Variants in SMYD1 observed in about 807,000 individuals in gnomAD.
SMYD1 encodes the protein histone-lysine N-methyltransferase SMYD1.
SMYD1 carries 49 observed loss-of-function variants against 54.0 expected under a neutral mutation model. The observed-to-expected ratio is 0.91, with a 90% CI of 0.72 to 1.15. The LOEUF (loss-of-function observed/expected upper bound fraction) is 1.15. SMYD1 is among the 50% of genes most tolerant of loss of function. The pLI, the probability that SMYD1 is intolerant of heterozygous loss-of-function variation, is 0.00. For synonymous variants in SMYD1, 269 were observed against 234.2 expected, an observed-to-expected ratio of 1.15 and a Z score of -1.36; for missense variants, 653 against 639.6, an observed-to-expected ratio of 1.02 and a Z score of -0.23.
At chr2:88,105,343 A>T (rs991431227) in intron 7 of SMYD1, among the ~76,000 whole-genome samples, 3 of 150,082 alleles carry the variant, frequency 2.0e-5, no homozygotes, top group Admixed American at 6.7e-5. Context: ...AGATATATAA[A>T]TATATTTGTA....
intron 1 of SMYD1, 95 bp downstream of exon 1, chr2:88,068,096 A>C (rs933936250): frequency 3.4e-6 from 5 of 1,459,544 alleles, no homozygotes; most frequent in Non-Finnish European, 4.6e-6. Context: ...GGGAAGGGAT[A>C]AAATTCATGT....
At position 88,067,923 on chromosome 2, in the gene SMYD1, G is replaced by A; in HGVS notation, c.59G>A (p.Gly20Asp). The A allele has an allele frequency of 6.2e-7, 1 of 1,614,072 alleles. No homozygotes were observed. Among genetic ancestry groups the A allele is most frequent in the Non-Finnish European group, 8.5e-7 (1 of 1,180,026 alleles). ...TTCACCGCTGAGGGCAAAGGAAGGGGTCTGAAGGCCACCAAGGAGTTCTGG... is the reference window on the plus strand; with the variant it reads ...TTCACCGCTGAGGGCAAAGGAAGGGATCTGAAGGCCACCAAGGAGTTCTGG... ...EVFTAEGKGR[G>D]LKATKEFWAA... is the part of the protein sequence containing the mutation. The change falls in exon 1 of 10, where the codon GGT (glycine) becomes GAT (aspartate). Residue 20 changes from glycine (G) to aspartate (D), a missense_variant. Physicochemically the swap from Gly to Asp is moderately conservative, Grantham distance 94. Coordinates refer to ENST00000419482, the MANE Select transcript of SMYD1 (RefSeq NM_198274.4).
At chr2:88,104,691 GA>G (rs1674817014) in intron 7 of SMYD1, among the ~76,000 whole-genome samples, 1 of 152,254 alleles carries the variant, frequency 6.6e-6, no homozygotes, top group African/African-American at 2.4e-5. Flanking sequence ...TGAACTCTGG[GA>G]AAGTCTCAGA....
At chr2:88,068,106 T>C in intron 1 of SMYD1, 105 bp downstream of exon 1, 1 of 1,442,506 alleles carries the variant, frequency 6.9e-7, no homozygotes, top group Non-Finnish European at 9.3e-7. Flanking sequence ...AAAATTCATG[T>C]GCTCTTTTTT....
intron 9 of SMYD1, among the ~76,000 whole-genome samples, chr2:88,108,866 G>C: frequency 6.6e-6 from 1 of 152,208 alleles, no homozygotes. Context: ...AAGGGAGCCA[G>C]TGTGTCACCT....
rs1385709624 is a variant in SMYD1 at position 88,112,348 on chromosome 2, T to C, written c.*1836T>C. 1.7e-6 allele frequency: 1 copy of C among 583,296 alleles called. No homozygotes were observed. Among genetic ancestry groups the C allele is most frequent in the Admixed American group, 3.0e-5 (1 of 33,722 alleles). 36.1% of individuals were successfully genotyped at this position (583,296 alleles called of 1,614,324 possible). A position where few individuals can be genotyped will look rare whatever the true frequency, so the allele number is the denominator to read the frequency against. ...AATATTTGTTGTCTTTAACAAACTG[T>C]GTTCTGTGTCTGTGCTCCTCCTTCC... On this transcript the variant is annotated 3_prime_UTR_variant, in exon 10 of 10. Transcript: ENST00000419482.
chr2:88,078,923 T>G (rs1448839858), intron 1 of SMYD1, among the ~76,000 whole-genome samples: 6 of 152,276 alleles, frequency 3.9e-5, no homozygotes, highest in African/African-American at 1.4e-4. Context: ...TTTCACCAGC[T>G]TTTAAAACTT....
At chr2:88,093,846 A>G (rs988442851) in intron 5 of SMYD1, among the ~76,000 whole-genome samples, 3 of 152,052 alleles carry the variant, frequency 2.0e-5, no homozygotes, top group Non-Finnish European at 4.4e-5. Context: ...ACATCGTCTT[A>G]GCAAAAGCCT....
At chr2:88,079,748 GA>G (rs981022430) in intron 1 of SMYD1, among the ~76,000 whole-genome samples, 53 of 152,292 alleles carry the variant, frequency 3.5e-4, no homozygotes, top group African/African-American at 1.1e-3. Context: ...TTGAACCCAG[GA>G]GGCGGAGGTT....
chr2:88,106,637 T>G (rs1674877746), intron 8 of SMYD1, 149 bp downstream of exon 8: 1 of 791,980 alleles, frequency 1.3e-6, no homozygotes, highest in Non-Finnish European at 2.0e-6. Flanking sequence ...TGACTGAGTC[T>G]TTTTATCATG....
At chr2:88,090,062 A>G (rs1674429902) in intron 3 of SMYD1, among the ~76,000 whole-genome samples, 1 of 152,184 alleles carries the variant, frequency 6.6e-6, no homozygotes, top group South Asian at 2.1e-4. Context: ...TATTCAACCT[A>G]TAGATGGGAA....
At chr2:88,108,223 A>C in intron 8 of SMYD1, 148 bp from the exon 9 acceptor site, 2 of 674,278 alleles carry the variant, frequency 3.0e-6, no homozygotes, top group South Asian at 8.4e-5. Context: ...TCTGTGCCTC[A>C]GTTCCCCCTT....
intron 7 of SMYD1, among the ~76,000 whole-genome samples, chr2:88,106,070 C>T (rs1480866941): frequency 6.6e-6 from 1 of 152,014 alleles, no homozygotes; most frequent in African/African-American, 2.4e-5. Flanking sequence ...TAGCTTCCTG[C>T]TACCTATTGA....
intron 2 of SMYD1, among the ~76,000 whole-genome samples, chr2:88,087,116 C>G (rs1204109734): frequency 1.4e-5 from 2 of 147,426 alleles, no homozygotes; most frequent in African/African-American, 2.5e-5. Context: ...AATACTTTCA[C>G]ACACAATGCA....
In SMYD1 at chr2:88,112,702, A is replaced by G. The variant is rs561930668; in HGVS notation, c.*2190A>G. 289 of 153,760 alleles carry G rather than the reference A, an allele frequency of 1.9e-3. No individual in the cohort carries two copies. Among genetic ancestry groups the G allele is most frequent in the South Asian group, 7.8e-3 (38 of 4,890 alleles). 9.5% of individuals were successfully genotyped at this position (153,760 alleles called of 1,614,324 possible). ...CTTACCAAGATCAAATCTAATGGGT[A>G]CATTTTAGTTCCTATGTGATTTGGC... On this transcript the variant is annotated 3_prime_UTR_variant, in exon 10 of 10. Transcript: ENST00000419482.
rs1029249928 is a variant in SMYD1 at position 88,096,926 on chromosome 2, G to A, written c.888+142G>A. 9 of 815,676 alleles carry A rather than the reference G, an allele frequency of 1.1e-5. No homozygotes were observed. The East Asian group carries it at 2.2e-4, about 20-fold the overall frequency. The allele number at this position is 815,676 out of a possible 1,614,324, so 50.5% of individuals were successfully genotyped here. A position where few individuals can be genotyped will look rare whatever the true frequency, so the allele number is the denominator to read the frequency against. ...ACCCTGGGGAGGAGGCAGGGCATGA[G>A]AGCAGAGCACCGCAGGTAGGTCCCA... is the stretch of plus-strand genomic sequence containing the variant. On this transcript the variant is annotated intron_variant, in intron 6 of 9. Transcript: ENST00000419482.
At chr2:88,087,625 C>A (rs1674362273) in intron 2 of SMYD1, among the ~76,000 whole-genome samples, 1 of 152,190 alleles carries the variant, frequency 6.6e-6, no homozygotes, top group African/African-American at 2.4e-5. Flanking sequence ...CCCAGTCACT[C>A]TCTATCATGC....
intron 9 of SMYD1, 47 bp downstream of exon 9, chr2:88,108,586 C>A: frequency 6.6e-7 from 1 of 1,512,112 alleles, no homozygotes; most frequent in Non-Finnish European, 8.9e-7. Context: ...CCTGAGCTTT[C>A]TGAGGATGGG....
rs1021350987 is a variant in SMYD1, at chr2:88,111,208, G to A, written c.*696G>A. 3.9e-5 allele frequency: 6 copies of A among 152,200 alleles called. No individual in the cohort carries two copies. The highest frequency in any genetic ancestry group is 1.4e-4 in the African/African-American group (6 of 41,450). The allele number at this position is 152,200 out of a possible 1,614,324, so 9.4% of individuals were successfully genotyped here. Reference sequence around the variant, plus strand: ...TGCCCAAACCAACTGAGGTCTTAAAGTCCAGGGAAAAAAAGTCTGGGTTCC... The same window carrying A: ...TGCCCAAACCAACTGAGGTCTTAAAATCCAGGGAAAAAAAGTCTGGGTTCC... On this transcript the variant is annotated 3_prime_UTR_variant, in exon 10 of 10. Coordinates refer to ENST00000419482, the MANE Select transcript of SMYD1 (RefSeq NM_198274.4).
Sources: allele counts gnomAD v4.1 joint callset (sites outside exome capture counted in the v4.1 genomes callset), GRCh38; gene constraint gnomAD v4.1.1; transcripts MANE v1.5; gene names NCBI Gene and HGNC (gene_info 2026-07-23, HGNC 2026-07-21).